PCNX2: variants seen among roughly 807,000 people sequenced by gnomAD.
PCNX2 encodes pecanex 2.
A neutral mutation model predicts 223.8 loss-of-function variants in PCNX2; 168 were observed. That is an observed-to-expected ratio of 0.75 (90% CI 0.66 to 0.85). PCNX2 has a LOEUF of 0.85. Ranked by LOEUF, PCNX2 falls within the 40% of genes least tolerant of loss-of-function variation. PCNX2 has a pLI of 0.00. For missense variants in PCNX2, 2,507 were observed against 2,675.5 expected (o/e 0.94, Z 1.39); for synonymous variants, 1,006 against 1,052.6 (o/e 0.96, Z 0.86).
At chr1:233,262,815 T>C in intron 2 of PCNX2, 143 bp downstream of exon 2, 1 of 752,752 alleles carries the variant, frequency 1.3e-6, no homozygotes, top group South Asian at 1.9e-5. Context: ...AATTTTATGC[T>C]TAAGTATATG....
chr1:233,296,287 T>A (rs571546718), upstream of PCNX2, among the ~76,000 whole-genome samples: 1 of 152,314 alleles, frequency 6.6e-6, no homozygotes, highest in African/African-American at 2.4e-5. Flanking sequence ...CCACTGATCT[T>A]CTGTCCTCCC....
chr1:233,190,746 C>T (rs542584587), intron 15 of PCNX2, among the ~76,000 whole-genome samples: 3 of 152,200 alleles, frequency 2.0e-5, no homozygotes, highest in South Asian at 4.2e-4. Context: ...GAGTTAACGG[C>T]GTGCTTTCAA....
At chr1:233,293,196 T>C (rs1186688825) in intron 1 of PCNX2, among the ~76,000 whole-genome samples, 1 of 152,200 alleles carries the variant, frequency 6.6e-6, no homozygotes, top group Non-Finnish European at 1.5e-5. Context: ...GGAAAAAACA[T>C]CTGCAGGAAC....
intron 22 of PCNX2, among the ~76,000 whole-genome samples, chr1:233,094,169 T>G (rs1434474100): frequency 2.0e-5 from 3 of 152,224 alleles, no homozygotes; most frequent in African/African-American, 7.2e-5. Context: ...AGTTATGACA[T>G]CAGGAATTAT....
intron 23 of PCNX2, among the ~76,000 whole-genome samples, chr1:233,082,987 A>G (rs1169971943): frequency 6.6e-6 from 1 of 152,210 alleles, no homozygotes; most frequent in Non-Finnish European, 1.5e-5. Context: ...TTGAGAGCGG[A>G]AACGTAAACT....
At chr1:233,047,509 C>T (rs1558186232) in intron 25 of PCNX2, 2 of 593,362 alleles carry the variant, frequency 3.4e-6, no homozygotes, top group Non-Finnish European at 4.2e-6. Context: ...CCTTAAATTC[C>T]AGAAAAAACT....
At chr1:233,017,419 G>A (rs1439641944) in intron 26 of PCNX2, among the ~76,000 whole-genome samples, 1 of 144,358 alleles carries the variant, frequency 6.9e-6, no homozygotes, top group African/African-American at 2.6e-5. Context: ...CCAGGTTCAC[G>A]CCATTCTCCT....
intron 8 of PCNX2, among the ~76,000 whole-genome samples, chr1:233,243,044 C>T (rs1423674991): frequency 2.0e-5 from 3 of 152,266 alleles, no homozygotes; most frequent in South Asian, 2.1e-4. Flanking sequence ...ATTGTACAAC[C>T]GGAAAATGCT....
intron 32 of PCNX2, among the ~76,000 whole-genome samples, chr1:232,996,970 A>G (rs1669895566): frequency 6.9e-6 from 1 of 144,718 alleles, no homozygotes; most frequent in South Asian, 2.1e-4. Context: ...GGAGCTGGAC[A>G]TGAATGTACA....
At chr1:233,201,234 C>T (rs961878194) in intron 13 of PCNX2, among the ~76,000 whole-genome samples, 7 of 151,182 alleles carry the variant, frequency 4.6e-5, no homozygotes, top group African/African-American at 1.7e-4. Context: ...ATAATAGGGG[C>T]TGTGGTTGGT....
At chr1:233,071,167 A>T (rs1558203705) in intron 23 of PCNX2, among the ~76,000 whole-genome samples, 2 of 152,164 alleles carry the variant, frequency 1.3e-5, no homozygotes, top group Non-Finnish European at 2.9e-5. Flanking sequence ...TAATCTCTTT[A>T]TTTTTTATCT....
At position 233,177,783 on chromosome 1, in the gene PCNX2, C is replaced by T. The variant is rs1191720838; in HGVS notation, c.3273+19G>A. 3.1e-6 allele frequency: 5 copies of T among 1,596,042 alleles called. No individual in the cohort carries two copies. Among genetic ancestry groups the T allele is most frequent in the East Asian group, 2.2e-5 (1 of 44,786 alleles). On this transcript the variant is annotated intron_variant, in intron 17 of 33. Transcript: ENST00000258229. ...GATGAGGCCCTCCTATGCTACATTA[C>T]ACAACGCAAATGTCTCACCACTGAA...
chr1:233,159,743 C>T (rs991571755), intron 19 of PCNX2, among the ~76,000 whole-genome samples: 2 of 152,194 alleles, frequency 1.3e-5, no homozygotes, highest in Non-Finnish European at 2.9e-5. Context: ...ATTACATGAT[C>T]ATGGCCAGAG....
At chr1:233,022,393 A>G (rs906708026) in intron 26 of PCNX2, among the ~76,000 whole-genome samples, 2 of 152,208 alleles carry the variant, frequency 1.3e-5, no homozygotes, top group African/African-American at 2.4e-5. Flanking sequence ...GTGAAGTAGG[A>G]AAGTTTGCAG....
intron 28 of PCNX2, among the ~76,000 whole-genome samples, chr1:233,014,275 G>A (rs1186468763): frequency 3.9e-5 from 6 of 152,146 alleles, no homozygotes; most frequent in African/African-American, 9.7e-5. Flanking sequence ...TCAGATGTGA[G>A]GATTTTCTTT....
chr1:233,112,301 T>C (rs943219993), intron 21 of PCNX2, among the ~76,000 whole-genome samples: 2 of 152,196 alleles, frequency 1.3e-5, no homozygotes, highest in East Asian at 3.9e-4. Context: ...GTGGTCAGCC[T>C]TGCAAGGAAA....
chr1:233,099,022 T>C (rs532983300), intron 21 of PCNX2, among the ~76,000 whole-genome samples: 1 of 152,316 alleles, frequency 6.6e-6, no homozygotes, highest in Admixed American at 6.5e-5. Flanking sequence ...AACTGAAACT[T>C]ACCAAGTCCA....
At chr1:233,148,575 T>C (rs186142065) in intron 19 of PCNX2, among the ~76,000 whole-genome samples, 376 of 152,226 alleles carry the variant, frequency 2.5e-3, no homozygotes, top group African/African-American at 8.5e-3. Flanking sequence ...TAATTTTTTG[T>C]ATTTTTAGGA....
the PCNX2 span, among the ~76,000 whole-genome samples, chr1:233,318,960 C>A: frequency 2.0e-5 from 3 of 152,106 alleles, no homozygotes; most frequent in Non-Finnish European, 2.9e-5. Flanking sequence ...TGAGGGTGAC[C>A]AGCCACCCCA....
Sources: allele counts gnomAD v4.1 joint callset (sites outside exome capture counted in the v4.1 genomes callset), GRCh38; gene constraint gnomAD v4.1.1; transcripts MANE v1.5; gene names NCBI Gene and HGNC (gene_info 2026-07-23, HGNC 2026-07-21).